Variants in FILIP1L observed in about 807,000 individuals in gnomAD.
The protein encoded by FILIP1L is filamin A-interacting protein 1-like.
Under a neutral mutation model 96.6 loss-of-function variants are expected in FILIP1L, and 55 were observed. That is an observed-to-expected ratio of 0.57 (90% CI 0.46 to 0.71). FILIP1L has a LOEUF of 0.71. Among genes scored for constraint, FILIP1L ranks in the 30% least tolerant of loss-of-function variants. The probability of loss-of-function intolerance (pLI) is 0.00; values close to 1 mark genes in which losing one functional copy is unlikely to be tolerated. For synonymous variants in FILIP1L, 467 were observed against 473.9 expected (o/e 0.99, Z 0.19); for missense variants, 1,304 against 1,321.2 (o/e 0.99, Z 0.20).
intron 1 of FILIP1L, among the ~76,000 whole-genome samples, chr3:100,069,771 G>A (rs2065729038): frequency 6.6e-6 from 1 of 152,200 alleles, no homozygotes; most frequent in African/African-American, 2.4e-5. Flanking sequence ...TTTGTGGTAA[G>A]AGGAGGTGGC....
chr3:100,082,749 T>C (rs1202022850), intron 1 of FILIP1L, among the ~76,000 whole-genome samples: 1 of 152,208 alleles, frequency 6.6e-6, no homozygotes, highest in Admixed American at 6.5e-5. Flanking sequence ...TATTGTTACA[T>C]GTTTCTGTTT....
At chr3:99,967,728 A>G (rs1239338675) in intron 1 of FILIP1L, among the ~76,000 whole-genome samples, 3 of 152,188 alleles carry the variant, frequency 2.0e-5, no homozygotes, top group African/African-American at 7.2e-5. Flanking sequence ...AATGACACTA[A>G]TGGATCCCAG....
intron 1 of FILIP1L, among the ~76,000 whole-genome samples, chr3:100,029,938 C>A (rs2064995575): frequency 6.6e-6 from 1 of 152,038 alleles, no homozygotes; most frequent in South Asian, 2.1e-4. Context: ...TAGAAGCAGC[C>A]CAGGTGTGAC....
At chr3:100,086,283 A>G (rs1455545769) in intron 1 of FILIP1L, among the ~76,000 whole-genome samples, 1 of 152,196 alleles carries the variant, frequency 6.6e-6, no homozygotes, top group Non-Finnish European at 1.5e-5. Context: ...AGTACCACAG[A>G]AGAAAGGGAC....
chr3:99,915,266 AC>A (rs1297313737), intron 4 of FILIP1L, among the ~76,000 whole-genome samples: 1 of 152,222 alleles, frequency 6.6e-6, no homozygotes, highest in African/African-American at 2.4e-5. Flanking sequence ...AATGTAGCCA[AC>A]TTTTCCTACA....
chr3:99,868,488 A>G lies in FILIP1L; in HGVS notation c.606-17418T>C, dbSNP rs1944629512. On this transcript the variant is annotated intron_variant, in intron 4 of 5. Coordinates refer to ENST00000477258, the MANE Select transcript of FILIP1L (RefSeq NM_001387850.1). ...TCATCCCTATGGATAGACTAGCATA[A>G]CCAGAAGAGTAACAGTAGCTGCTAT... is the stretch of plus-strand genomic sequence containing the variant. 2.0e-5 allele frequency among the ~76,000 whole-genome samples: 3 copies of G among 152,210 alleles called. 1 individual carries two copies. In the South Asian group the frequency reaches 6.2e-4, roughly 32 times the overall value.
At chr3:99,830,858 A>G (rs555487450) in intron 5 of FILIP1L, among the ~76,000 whole-genome samples, 30 of 152,354 alleles carry the variant, frequency 2.0e-4, no homozygotes, top group Middle Eastern at 3.4e-3. Flanking sequence ...ATATTTGGCA[A>G]TCACGGTGTA....
At chr3:100,076,329 G>A (rs188161224) in intron 1 of FILIP1L, among the ~76,000 whole-genome samples, 1 of 152,244 alleles carries the variant, frequency 6.6e-6, no homozygotes, top group East Asian at 1.9e-4. Flanking sequence ...CTGAAAGAAT[G>A]TTTAAAGCCA....
intron 1 of FILIP1L, among the ~76,000 whole-genome samples, chr3:100,106,053 A>G (rs1042373052): frequency 6.6e-6 from 1 of 152,174 alleles, no homozygotes; most frequent in Non-Finnish European, 1.5e-5. Context: ...AGGGGTTTCA[A>G]TTAAATAAAA....
At chr3:100,021,116 A>G (rs1045719179) in intron 1 of FILIP1L, among the ~76,000 whole-genome samples, 2 of 152,186 alleles carry the variant, frequency 1.3e-5, no homozygotes, top group Non-Finnish European at 2.9e-5. Flanking sequence ...AGGCCGGTCA[A>G]TTGCCTAAGA....
chr3:99,998,060 T>C (rs1196823583), intron 1 of FILIP1L, among the ~76,000 whole-genome samples: 1 of 152,194 alleles, frequency 6.6e-6, no homozygotes, highest in Admixed American at 6.5e-5. Flanking sequence ...AGTTAACTAG[T>C]GTTTAGTTTA....
intron 1 of FILIP1L, among the ~76,000 whole-genome samples, chr3:100,014,918 T>G (rs1275926629): frequency 7.5e-6 from 1 of 134,160 alleles, no homozygotes; most frequent in Non-Finnish European, 1.6e-5. Context: ...TTTTTTTTTT[T>G]GCCCCTGTTG....
Position 100,107,878 on chromosome 3 carries a change from A to T in FILIP1L, c.-11+6175T>A, listed in dbSNP as rs772930718. On this transcript the variant is annotated intron_variant, in intron 1 of 5. Coordinates refer to ENST00000477258, the MANE Select transcript of FILIP1L (RefSeq NM_001387850.1). ...TATGGTAGAAGAGAGCAAGAGAATT[A>T]AAAAAAAAAAAAAAAAAGTTACTTG... 5.0e-3 allele frequency among the ~76,000 whole-genome samples: 402 copies of T among 81,078 alleles called. 1 individual carries two copies. Among genetic ancestry groups the T allele is most frequent in the Non-Finnish European group, 7.3e-3 (232 of 31,740 alleles). 53.2% of individuals were successfully genotyped at this position (81,078 alleles called of 152,430 possible).
rs1420728190 is a variant in FILIP1L, at chr3:99,849,999, G to A, written c.1677C>T (p.Ser559=). Residue 559 remains serine, a synonymous_variant, in exon 5 of 6, where the codon AGC becomes AGT. Transcript: ENST00000477258. ...SKTDVEEKMY[S]VTKERDDLKN... is the part of the protein sequence containing the mutation. Reference sequence around the variant, plus strand: ...TTAAATCATCTCTCTCCTTGGTTACGCTGTACATCTTTTCTTCTACATCGG... The same window carrying A: ...TTAAATCATCTCTCTCCTTGGTTACACTGTACATCTTTTCTTCTACATCGG... 8.7e-6 allele frequency: 14 copies of A among 1,608,192 alleles called. No individual in the cohort carries two copies. Among genetic ancestry groups the A allele is most frequent in the African/African-American group, 5.4e-5 (4 of 74,326 alleles).
intron 1 of FILIP1L, among the ~76,000 whole-genome samples, chr3:100,057,928 C>T (rs1222876281): frequency 6.6e-6 from 1 of 152,176 alleles, no homozygotes; most frequent in Non-Finnish European, 1.5e-5. Flanking sequence ...AACTAACTGA[C>T]TGTCTAAATC....
At chr3:99,883,120 A>T (rs1705783169) in intron 4 of FILIP1L, among the ~76,000 whole-genome samples, 2 of 152,238 alleles carry the variant, frequency 1.3e-5, no homozygotes, top group African/African-American at 4.8e-5. Context: ...GTCTACGCTT[A>T]GATTGAATTA....
At chr3:100,067,297 A>G (rs1241336112) in intron 1 of FILIP1L, among the ~76,000 whole-genome samples, 1 of 152,212 alleles carries the variant, frequency 6.6e-6, no homozygotes, top group Non-Finnish European at 1.5e-5. Flanking sequence ...CTTTCTTGGC[A>G]TTTATACAAG....
At chr3:99,925,874 C>T (rs976978945) in intron 3 of FILIP1L, 1 of 985,318 alleles carries the variant, frequency 1.0e-6, no homozygotes, top group Non-Finnish European at 1.2e-6. Context: ...TTATCAGCTC[C>T]TGGCCTTGAG....
chr3:100,094,036 A>G (rs186935529), intron 1 of FILIP1L, among the ~76,000 whole-genome samples: 36 of 152,348 alleles, frequency 2.4e-4, no homozygotes, highest in Middle Eastern at 3.4e-3. Flanking sequence ...ACCAACTTAC[A>G]TTCCTACCAG....
Sources: gnomAD v4.1 joint callset for allele counts (sites outside exome capture counted in the v4.1 genomes callset) on GRCh38, gnomAD v4.1.1 for gene constraint, MANE v1.5 for transcripts, NCBI Gene and HGNC (gene_info 2026-07-23, HGNC 2026-07-21) for gene names.